The following CTNNA2 variants were observed in gnomAD, a reference collection of about 807,000 sequenced individuals.
CTNNA2 encodes catenin alpha-2.
CTNNA2 carries 42 observed loss-of-function variants against 101.0 expected under a neutral mutation model. That is an observed-to-expected ratio of 0.42 (90% CI 0.32 to 0.54). The LOEUF (loss-of-function observed/expected upper bound fraction) is 0.54. Among genes scored for constraint, CTNNA2 ranks in the 20% least tolerant of loss-of-function variants. The probability of loss-of-function intolerance (pLI) is 0.14; values close to 1 mark genes in which losing one functional copy is unlikely to be tolerated. For synonymous variants in CTNNA2, 450 were observed against 456.4 expected, an observed-to-expected ratio of 0.99 and a Z score of 0.18; for missense variants, 871 against 1,223.1, an observed-to-expected ratio of 0.71 and a Z score of 4.29.
At chr2:79,337,059 T>G (rs1158555826) in intron 3 of CTNNA2, among the ~76,000 whole-genome samples, 7 of 152,214 alleles carry the variant, frequency 4.6e-5, no homozygotes, top group African/African-American at 1.7e-4. Context: ...TTTCAGTTAA[T>G]CATAATTTAT....
chr2:80,480,398 T>A (rs757602796), intron 9 of CTNNA2, among the ~76,000 whole-genome samples: 55 of 152,262 alleles, frequency 3.6e-4, no homozygotes, highest in Non-Finnish European at 6.6e-4. Flanking sequence ...AAAATTAGAT[T>A]TAACAGACAT....
chr2:79,775,144 G>A (rs1673868989), intron 3 of CTNNA2, among the ~76,000 whole-genome samples: 1 of 152,130 alleles, frequency 6.6e-6, no homozygotes, highest in African/African-American at 2.4e-5. Context: ...TGGTTGACAA[G>A]GCATGAATGA....
At chr2:80,179,349 C>T (rs931773096) in intron 7 of CTNNA2, among the ~76,000 whole-genome samples, 10 of 152,176 alleles carry the variant, frequency 6.6e-5, no homozygotes, top group African/African-American at 2.4e-4. Flanking sequence ...GGAATCACCA[C>T]CTCCATGTCT....
chr2:80,535,224 C>T (rs1467692014), intron 9 of CTNNA2, among the ~76,000 whole-genome samples: 1 of 152,114 alleles, frequency 6.6e-6, no homozygotes, highest in East Asian at 1.9e-4. Flanking sequence ...TAAATTCTGT[C>T]TTCCCACCAA....
chr2:79,804,279 T>C (rs1465767615), intron 3 of CTNNA2, among the ~76,000 whole-genome samples: 1 of 152,214 alleles, frequency 6.6e-6, no homozygotes, highest in African/African-American at 2.4e-5. Flanking sequence ...ATAGTATGTA[T>C]ATCTTTTAAC....
At chr2:79,829,975 T>C (rs956911623) in intron 3 of CTNNA2, among the ~76,000 whole-genome samples, 3 of 152,054 alleles carry the variant, frequency 2.0e-5, no homozygotes, top group African/African-American at 4.8e-5. Flanking sequence ...TTTAATGATA[T>C]CAAGTTTTGA....
chr2:80,560,643 C>A (rs909265776), intron 12 of CTNNA2, among the ~76,000 whole-genome samples: 1 of 152,166 alleles, frequency 6.6e-6, no homozygotes, highest in African/African-American at 2.4e-5. Context: ...ATCCATGCTG[C>A]TCCCTCTGTC....
intron 7 of CTNNA2, among the ~76,000 whole-genome samples, chr2:80,261,844 T>C (rs921349942): frequency 1.3e-5 from 2 of 152,200 alleles, no homozygotes; most frequent in African/African-American, 4.8e-5. Flanking sequence ...TATGCCTAAA[T>C]AGAGTGTTTT....
intron 7 of CTNNA2, among the ~76,000 whole-genome samples, chr2:79,960,472 C>G (rs575040768): frequency 6.6e-6 from 1 of 152,158 alleles, no homozygotes; most frequent in African/African-American, 2.4e-5. Context: ...TATAGTGCTG[C>G]GATTGATTCT....
intron 7 of CTNNA2, among the ~76,000 whole-genome samples, chr2:80,331,439 G>A (rs541130404): frequency 6.6e-6 from 1 of 152,202 alleles, no homozygotes; most frequent in East Asian, 1.9e-4. Context: ...AAGTCGATTG[G>A]GAAATAGGGT....
chr2:79,253,663 C>A (rs879334661), intron 2 of CTNNA2, among the ~76,000 whole-genome samples: 15 of 152,206 alleles, frequency 9.9e-5, no homozygotes, highest in Non-Finnish European at 2.2e-4. Context: ...AAGGAAGGAA[C>A]CATCTTTCCT....
chr2:80,213,370 TA>T (rs1708033623), intron 7 of CTNNA2, among the ~76,000 whole-genome samples: 1 of 152,182 alleles, frequency 6.6e-6, no homozygotes, highest in Non-Finnish European at 1.5e-5. Context: ...AATTTCCCTC[TA>T]CACACTGCTT....
At chr2:80,331,630 C>G (rs913814807) in intron 7 of CTNNA2, among the ~76,000 whole-genome samples, 1 of 152,132 alleles carries the variant, frequency 6.6e-6, no homozygotes. Flanking sequence ...ACTACTTCTG[C>G]TATCTCCCAG....
chr2:79,961,598 G>A (rs559375284), intron 7 of CTNNA2, among the ~76,000 whole-genome samples: 10 of 152,206 alleles, frequency 6.6e-5, no homozygotes, highest in South Asian at 4.1e-4. Context: ...TGAGGCGGGC[G>A]GATCACCAGG....
At chr2:79,656,111 G>A (rs1038361089) in intron 2 of CTNNA2, among the ~76,000 whole-genome samples, 2 of 152,020 alleles carry the variant, frequency 1.3e-5, no homozygotes, top group Non-Finnish European at 2.9e-5. Context: ...AATTAAATAT[G>A]TGAATTTTAA....
chr2:79,621,354 A>G (rs1011273715), intron 1 of CTNNA2, among the ~76,000 whole-genome samples: 11 of 152,154 alleles, frequency 7.2e-5, no homozygotes, highest in Admixed American at 3.9e-4. Context: ...GTTATTGTCC[A>G]TGGGTTTGAG....
At chr2:79,708,886 C>G (rs1365428072) in intron 2 of CTNNA2, among the ~76,000 whole-genome samples, 1 of 152,134 alleles carries the variant, frequency 6.6e-6, no homozygotes, top group African/African-American at 2.4e-5. Context: ...ATCATGGCAG[C>G]CTTCCTGGCC....
intron 7 of CTNNA2, among the ~76,000 whole-genome samples, chr2:80,361,905 T>G (rs1674444980): frequency 6.6e-6 from 1 of 152,124 alleles, no homozygotes; most frequent in South Asian, 2.1e-4. Context: ...AAATCACACC[T>G]TTTTAAAAAG....
chr2:80,624,544 G>T (rs1671475590), intron 18 of CTNNA2, among the ~76,000 whole-genome samples: 2 of 151,920 alleles, frequency 1.3e-5, no homozygotes, highest in Non-Finnish European at 2.9e-5. Context: ...CCCTGGTTGA[G>T]AAGAAAGTGA....
Sources: gnomAD v4.1 joint callset for allele counts (sites outside exome capture counted in the v4.1 genomes callset) on GRCh38, gnomAD v4.1.1 for gene constraint, MANE v1.5 for transcripts, NCBI Gene and HGNC (gene_info 2026-07-23, HGNC 2026-07-21) for gene names.